Variants in NFKB1 observed in about 807,000 individuals in gnomAD.
NFKB1 encodes the protein nuclear factor NF-kappa-B p105 subunit.
In NFKB1, 9 loss-of-function variants were observed where a neutral mutation model predicts 105.1. That is an observed-to-expected ratio of 0.09 (90% CI 0.05 to 0.15). NFKB1 has a LOEUF of 0.15. Ranked by LOEUF, NFKB1 falls within the 10% of genes least tolerant of loss-of-function variation. NFKB1 has a pLI of 1.00. For synonymous variants in NFKB1, 440 were observed against 442.2 expected, an observed-to-expected ratio of 1.00 and a Z score of 0.06; for missense variants, 830 against 1,203.7, an observed-to-expected ratio of 0.69 and a Z score of 4.59.
intron 5 of NFKB1, among the ~76,000 whole-genome samples, chr4:102,556,723 G>A (rs1723014908): frequency 2.0e-5 from 3 of 152,160 alleles, no homozygotes; most frequent in Non-Finnish European, 2.9e-5. Context: ...GTACTTTGTA[G>A]GGAGAAATAG....
chr4:102,598,120 C>T (rs138407089), intron 15 of NFKB1, among the ~76,000 whole-genome samples: 1 of 152,220 alleles, frequency 6.6e-6, no homozygotes, highest in East Asian at 1.9e-4. Flanking sequence ...TTCCCAGTTA[C>T]TGGTTTCTTC....
At chr4:102,506,548 T>A (rs1739429088) in intron 1 of NFKB1, among the ~76,000 whole-genome samples, 1 of 152,216 alleles carries the variant, frequency 6.6e-6, no homozygotes, top group Non-Finnish European at 1.5e-5. Flanking sequence ...GCACAGTTTG[T>A]TCATTATTTT....
rs1185274918 is a variant in NFKB1, at chr4:102,578,789, G to A, written c.572-92G>A. Reference sequence around the variant, plus strand: ...AAAAGAGGAAAAATGGGTTTTTATTGTAAGTTTACATTATTTGGGCTTTAT... The same window carrying A: ...AAAAGAGGAAAAATGGGTTTTTATTATAAGTTTACATTATTTGGGCTTTAT... On this transcript the variant is annotated intron_variant, in intron 7 of 23. Transcript: ENST00000226574. The A allele has an allele frequency of 2.9e-6, 4 of 1,356,520 alleles. No homozygotes were observed. In the African/African-American group the frequency reaches 5.8e-5, roughly 20 times the overall value. 84.0% of individuals were successfully genotyped at this position (1,356,520 alleles called of 1,614,324 possible). A position where few individuals can be genotyped will look rare whatever the true frequency, so the allele number is the denominator to read the frequency against.
At chr4:102,575,871 A>T (rs2149180413) in intron 6 of NFKB1, among the ~76,000 whole-genome samples, 1 of 152,340 alleles carries the variant, frequency 6.6e-6, no homozygotes, top group African/African-American at 2.4e-5. Flanking sequence ...CTAGCATATA[A>T]ATTCAGTGAA....
intron 4 of NFKB1, 95 bp downstream of exon 4, chr4:102,533,980 AAGT>A (rs1741468973): frequency 5.6e-6 from 6 of 1,071,580 alleles, no homozygotes; most frequent in Non-Finnish European, 6.9e-6. Flanking sequence ...TCTATGAAGG[AAGT>A]AGTTTATCTG....
chr4:102,550,483 C>T (rs1193926728), intron 5 of NFKB1, among the ~76,000 whole-genome samples: 1 of 152,064 alleles, frequency 6.6e-6, no homozygotes, highest in Non-Finnish European at 1.5e-5. Context: ...GGCTTCTTCC[C>T]TCCCTCCCCT....
chr4:102,612,467 T>G lies in NFKB1; in HGVS notation c.2453T>G (p.Leu818Arg). The G allele has an allele frequency of 6.2e-7, 1 of 1,613,660 alleles. No individual in the cohort carries two copies. Residue 818 changes from leucine (L) to arginine (R), a missense_variant, in exon 22 of 24, where the codon CTG becomes CGG. Coordinates refer to ENST00000226574, the MANE Select transcript of NFKB1 (RefSeq NM_003998.4). The part of the protein sequence containing the change: ...DMKQLAEDVK[L>R]QLYKLLEIPD... ...AAACAGCTGGCTGAAGATGTGAAGCTGCAGCTGTATAAGTTACTAGAAATT... is the reference window on the plus strand; with the variant it reads ...AAACAGCTGGCTGAAGATGTGAAGCGGCAGCTGTATAAGTTACTAGAAATT...
intron 4 of NFKB1, among the ~76,000 whole-genome samples, chr4:102,535,581 G>T (rs1425639047): frequency 6.6e-6 from 1 of 152,118 alleles, no homozygotes; most frequent in Non-Finnish European, 1.5e-5. Flanking sequence ...TTAAGCAAAT[G>T]GAGTTACTGA....
At chr4:102,614,109 C>T (rs1039485517) in intron 23 of NFKB1, among the ~76,000 whole-genome samples, 2 of 152,068 alleles carry the variant, frequency 1.3e-5, no homozygotes. Flanking sequence ...AAACCCCCAA[C>T]ACTCCTTCCC....
At chr4:102,537,221 A>G (rs1741701614) in intron 4 of NFKB1, among the ~76,000 whole-genome samples, 1 of 152,188 alleles carries the variant, frequency 6.6e-6, no homozygotes, top group Admixed American at 6.6e-5. Flanking sequence ...ATTTAAGGGA[A>G]CTACCTAGTT....
At chr4:102,598,869 C>T (rs1438797035) in intron 15 of NFKB1, among the ~76,000 whole-genome samples, 1 of 152,128 alleles carries the variant, frequency 6.6e-6, no homozygotes, top group Non-Finnish European at 1.5e-5. Context: ...AAGTTCCCTC[C>T]TAAGACCCAA....
chr4:102,505,092 G>C (rs758581166), intron 1 of NFKB1, among the ~76,000 whole-genome samples: 15 of 152,198 alleles, frequency 9.9e-5, no homozygotes, highest in Admixed American at 2.0e-4. Flanking sequence ...ATTAGGGGTT[G>C]TTCCTGGGTG....
chr4:102,572,677 G>A (rs1048638613), intron 6 of NFKB1, among the ~76,000 whole-genome samples: 41 of 152,146 alleles, frequency 2.7e-4, no homozygotes, highest in African/African-American at 9.4e-4. Context: ...ATCTCATTGT[G>A]TTTTAATTTG....
At chr4:102,547,334 A>C (rs988795116) in intron 5 of NFKB1, among the ~76,000 whole-genome samples, 9 of 152,200 alleles carry the variant, frequency 5.9e-5, no homozygotes, top group Admixed American at 2.0e-4. Context: ...AAGGAGTAAG[A>C]GGTGTCTAGT....
At chr4:102,604,833 G>T (rs1035143738) in intron 16 of NFKB1, among the ~76,000 whole-genome samples, 1 of 151,668 alleles carries the variant, frequency 6.6e-6, no homozygotes, top group African/African-American at 2.4e-5. Context: ...TGTATATTTG[G>T]CTTTCCAGAA....
intron 1 of NFKB1, among the ~76,000 whole-genome samples, chr4:102,511,346 T>C (rs1376996853): frequency 2.0e-5 from 3 of 152,226 alleles, no homozygotes; most frequent in Admixed American, 2.0e-4. Context: ...AATCCAGAAA[T>C]TCATGGAGCT....
At chr4:102,612,907 C>T (rs1728560604) in intron 22 of NFKB1, among the ~76,000 whole-genome samples, 1 of 152,172 alleles carries the variant, frequency 6.6e-6, no homozygotes, top group Non-Finnish European at 1.5e-5. Flanking sequence ...CGACTGTAAT[C>T]AACGTGTAGC....
At chr4:102,506,340 A>G (rs990118240) in intron 1 of NFKB1, among the ~76,000 whole-genome samples, 1 of 152,198 alleles carries the variant, frequency 6.6e-6, no homozygotes, top group African/African-American at 2.4e-5. Flanking sequence ...TTAATCAACC[A>G]AAAAGTTAAA....
At chr4:102,590,865 A>G (rs1055166034) in intron 11 of NFKB1, among the ~76,000 whole-genome samples, 11 of 152,238 alleles carry the variant, frequency 7.2e-5, no homozygotes, top group Non-Finnish European at 1.5e-4. Context: ...AAAAGCTGAG[A>G]TAAGCCCAAA....
Sources: gnomAD v4.1 joint callset for allele counts (sites outside exome capture counted in the v4.1 genomes callset) on GRCh38, gnomAD v4.1.1 for gene constraint, MANE v1.5 for transcripts, NCBI Gene and HGNC (gene_info 2026-07-23, HGNC 2026-07-21) for gene names.